POLE: variants seen among roughly 807,000 people sequenced by gnomAD.
POLE encodes the protein DNA polymerase epsilon, catalytic subunit, also known as DNA polymerase epsilon catalytic subunit A.
In POLE, 188 loss-of-function variants were observed where a neutral mutation model predicts 279.2. The observed-to-expected ratio is 0.67, with a 90% CI of 0.60 to 0.76. The LOEUF is 0.76. POLE is among the 30% of genes least tolerant of loss of function. The pLI is 0.00. For missense variants in POLE, 2,703 were observed against 3,016.7 expected (o/e 0.90, Z 2.44); for synonymous variants, 1,214 against 1,172.5 (o/e 1.04, Z -0.72).
intron 38 of POLE, 141 bp from the exon 39 acceptor site, chr12:132,641,992 C>G (rs2042154828): frequency 2.2e-5 from 21 of 960,002 alleles, no homozygotes; most frequent in Non-Finnish European, 3.3e-5. Context: ...CCAGGCTATT[C>G]AGATTCCCGA....
chr12:132,639,317 G>A lies in POLE; in HGVS notation c.5379-19C>T, dbSNP rs376722984. 407 of 1,612,402 alleles carry A rather than the reference G, an allele frequency of 2.5e-4. No homozygotes were observed. Among genetic ancestry groups the A allele is most frequent in the Non-Finnish European group, 3.2e-4 (378 of 1,179,060 alleles). On this transcript the variant is annotated intron_variant, in intron 39 of 48. Coordinates refer to ENST00000320574, the MANE Select transcript of POLE (RefSeq NM_006231.4). The surrounding 1 kb of genome is among the most constrained non-coding windows in gnomAD (Gnocchi z 4.7). ...CAGGATCCTGAAAGAGAAGGTGCACGACACCCTCGTACCCTCAGCCTCCCA... is the reference window on the plus strand; with the variant it reads ...CAGGATCCTGAAAGAGAAGGTGCACAACACCCTCGTACCCTCAGCCTCCCA...
At chr12:132,633,536 T>C (rs1467944131) in intron 43 of POLE, 1 of 152,092 alleles carries the variant, frequency 6.6e-6, no homozygotes, top group Non-Finnish European at 1.5e-5. Context: ...CAAGGACAAG[T>C]AGACAAAAAT....
At position 132,649,379 on chromosome 12, in the gene POLE, G is replaced by A. The variant is rs1042198717; in HGVS notation, c.3932C>T (p.Pro1311Leu). The A allele has an allele frequency of 1.2e-6, 2 of 1,613,472 alleles. No individual in the cohort carries two copies. Among genetic ancestry groups the A allele is most frequent in the Non-Finnish European group, 1.7e-6 (2 of 1,180,038 alleles). Residue 1311 changes from proline (P) to leucine (L), a missense_variant, in exon 31 of 49, where the codon CCT becomes CTT. Coordinates refer to ENST00000320574, the MANE Select transcript of POLE (RefSeq NM_006231.4). ...CAAGAAGCTCCCCAGCCCCGTGGCA[G>A]GACCATCCCGGATGGCCCCGGGCCT... ...VLRPGAIRDGPATGLGSFLRR... is the reference protein window; with the variant it reads ...VLRPGAIRDGLATGLGSFLRR...
chr12:132,643,679 G>A, intron 33 of POLE, 119 bp from the exon 34 acceptor site: 1 of 1,482,840 alleles, frequency 6.7e-7, no homozygotes, highest in Non-Finnish European at 9.3e-7. Context: ...CTGCCCAAAG[G>A]CCACTTTTGG....
intron 1 of POLE, among the ~76,000 whole-genome samples, chr12:132,685,817 G>A (rs2043246642): frequency 6.6e-6 from 1 of 152,164 alleles, no homozygotes; most frequent in Admixed American, 6.5e-5. Flanking sequence ...TTTCTCCTCT[G>A]GGAAGAATTT....
At chr12:132,667,409 G>T in intron 20 of POLE, 94 bp downstream of exon 20, 1 of 1,337,052 alleles carries the variant, frequency 7.5e-7, no homozygotes. Flanking sequence ...TGCCTGCTCA[G>T]AGGATCCCAG....
intron 8 of POLE, 52 bp from the exon 9 acceptor site, chr12:132,676,705 T>G: frequency 1.8e-6 from 2 of 1,122,072 alleles, no homozygotes; most frequent in Non-Finnish European, 2.7e-6. Flanking sequence ...CCATTAGGCC[T>G]CCCTGAACAC....
chr12:132,627,936 A>G (rs2041867379), intron 45 of POLE, among the ~76,000 whole-genome samples: 1 of 152,226 alleles, frequency 6.6e-6, no homozygotes, highest in African/African-American at 2.4e-5. Flanking sequence ...CCACAGTAGA[A>G]CTTCTTTCAA....
In POLE at chr12:132,675,254, G is replaced by T; in HGVS notation, c.1226+144C>A. The T allele has an allele frequency of 1.0e-6, 1 of 970,216 alleles. No homozygotes were observed. Among genetic ancestry groups the T allele is most frequent in the Non-Finnish European group, 1.5e-6 (1 of 663,534 alleles). The allele number at this position is 970,216 out of a possible 1,614,324, so 60.1% of individuals were successfully genotyped here. On this transcript the variant is annotated intron_variant, in intron 12 of 48. Transcript: ENST00000320574. The surrounding 1 kb of genome is among the most constrained non-coding windows in gnomAD (Gnocchi z 4.3). ...CATCCCGGGCCCTGGCAGGGTTGCA[G>T]CTGCCATACTCTTGGGTGACCTGAA...
chr12:132,640,492 G>A (rs1346766636), intron 39 of POLE, among the ~76,000 whole-genome samples: 1 of 152,228 alleles, frequency 6.6e-6, no homozygotes, highest in Non-Finnish European at 1.5e-5. Context: ...TTCCCGTTCC[G>A]GGGGGCCCTG....
intron 8 of POLE, 96 bp from the exon 9 acceptor site, chr12:132,676,749 T>C (rs2043064618): frequency 6.6e-6 from 5 of 760,734 alleles, no homozygotes; most frequent in Non-Finnish European, 1.2e-5. Context: ...CCTCTGGTTG[T>C]TAAAAGAGTC....
In POLE at chr12:132,636,115, CACTT is replaced by C. The variant is rs1261282807; in HGVS notation, c.5679-95_5679-92del. The C allele has an allele frequency of 3.1e-5, 40 of 1,295,752 alleles. No homozygotes were observed. The South Asian group carries it at 4.2e-4, about 14-fold the overall frequency. The allele number at this position is 1,295,752 out of a possible 1,614,324, so 80.3% of individuals were successfully genotyped here. A position where few individuals can be genotyped will look rare whatever the true frequency, so the allele number is the denominator to read the frequency against. Reference sequence around the variant, plus strand: ...TCCCCTTGTATCTATCTGTACCCTCCACTTACTTAACACTGAATTTGAAAGTTCA... The same window carrying C: ...TCCCCTTGTATCTATCTGTACCCTCCACTTAACACTGAATTTGAAAGTTCA... On this transcript the variant is annotated intron_variant, in intron 41 of 48. Transcript: ENST00000320574.
At chr12:132,652,497 T>C (rs928538059) in intron 29 of POLE, among the ~76,000 whole-genome samples, 129 of 151,604 alleles carry the variant, frequency 8.5e-4, no homozygotes, top group African/African-American at 3.0e-3. Flanking sequence ...TTGTGCCGGA[T>C]TTTTTTTGTA....
intron 1 of POLE, among the ~76,000 whole-genome samples, chr12:132,686,209 T>C (rs1197962225): frequency 6.6e-6 from 1 of 152,016 alleles, no homozygotes; most frequent in East Asian, 1.9e-4. Flanking sequence ...AGGCCAGTCC[T>C]CCGGTCATGT....
At chr12:132,683,747 C>T (rs2043214877) in intron 1 of POLE, among the ~76,000 whole-genome samples, 1 of 152,236 alleles carries the variant, frequency 6.6e-6, no homozygotes, top group South Asian at 2.1e-4. Context: ...TCCAAATATC[C>T]TTGCCTCAAG....
rs1377109670 is a variant in POLE at position 132,634,567 on chromosome 12, G to A, written c.5812-189C>T. On this transcript the variant is annotated intron_variant, in intron 42 of 48. Coordinates refer to ENST00000320574, the MANE Select transcript of POLE (RefSeq NM_006231.4). This position sits in a 1 kb window ranked among gnomAD's most constrained non-coding sequence, Gnocchi z 4.0. ...GGTGGCTCCCAGTACAAAGTGCTTT[G>A]TGGGAAGCGCCTGGCACACAGAAGT... 6.6e-6 allele frequency among the ~76,000 whole-genome samples: 1 copy of A among 152,146 alleles called. No homozygotes were observed. Among genetic ancestry groups the A allele is most frequent in the Non-Finnish European group, 1.5e-5 (1 of 68,024 alleles).
intron 1 of POLE, among the ~76,000 whole-genome samples, chr12:132,686,294 G>A (rs2043264480): frequency 6.6e-6 from 1 of 152,094 alleles, no homozygotes. Context: ...GTCTGGCTCC[G>A]TCGCCCAGGC....
intron 46 of POLE, 45 bp downstream of exon 46, chr12:132,626,072 G>T: frequency 6.5e-7 from 1 of 1,538,064 alleles, no homozygotes; most frequent in Non-Finnish European, 8.8e-7. Context: ...AGTGCCCTCG[G>T]ATGTTCTGCT....
intron 3 of POLE, 124 bp downstream of exon 3, chr12:132,680,483 G>A: frequency 1.3e-6 from 1 of 771,200 alleles, no homozygotes; most frequent in Non-Finnish European, 2.2e-6. Flanking sequence ...GCCTCCAGGG[G>A]CCCGAGTTCT....
Sources: gnomAD v4.1 joint callset for allele counts (sites outside exome capture counted in the v4.1 genomes callset) on GRCh38, gnomAD v4.1.1 for gene constraint, Gnocchi (gnomAD v3.1) non-coding constraint, MANE v1.5 for transcripts, NCBI Gene and HGNC (gene_info 2026-07-23, HGNC 2026-07-21) for gene names.